RAB11B: variants seen among roughly 807,000 people sequenced by gnomAD.
The protein encoded by RAB11B is ras-related protein Rab-11B.
A neutral mutation model predicts 23.7 loss-of-function variants in RAB11B; 7 were observed. The observed-to-expected ratio is 0.29, with a 90% confidence interval of 0.17 to 0.55. The LOEUF (loss-of-function observed/expected upper bound fraction) is 0.55, where lower values mean the gene tolerates loss of function less well. Among genes scored for constraint, RAB11B ranks in the 20% least tolerant of loss-of-function variants. The pLI, the probability that RAB11B is intolerant of heterozygous loss-of-function variation, is 0.93. For missense variants in RAB11B, 189 were observed against 320.0 expected, an observed-to-expected ratio of 0.59 and a Z score of 3.12; for synonymous variants, 138 against 132.0, an observed-to-expected ratio of 1.05 and a Z score of -0.31.
intron 1 of RAB11B, among the ~76,000 whole-genome samples, chr19:8,395,468 C>G (rs1971389895): frequency 6.6e-6 from 1 of 152,072 alleles, no homozygotes; most frequent in African/African-American, 2.4e-5. Flanking sequence ...AGGTTGGTCT[C>G]AAACTCCTGA....
At chr19:8,390,553 G>C (rs1971339649) in intron 1 of RAB11B, 97 bp downstream of exon 1, 1 of 1,263,532 alleles carries the variant, frequency 7.9e-7, no homozygotes. Context: ...CCAGGCCGGA[G>C]CCCGGGGCTT....
intron 1 of RAB11B, among the ~76,000 whole-genome samples, chr19:8,398,353 G>C (rs1480333426): frequency 6.6e-6 from 1 of 152,216 alleles, no homozygotes; most frequent in African/African-American, 2.4e-5. Context: ...TCTGGGCCAG[G>C]GTTTGCATCT....
chr19:8,402,791 TA>T lies in RAB11B; in HGVS notation c.511+227del, dbSNP rs1178062924. The T allele has an allele frequency of 7.4e-5, 43 of 580,064 alleles. 1 individual carries two copies. In the Middle Eastern group the frequency reaches 1.4e-3, roughly 18 times the overall value. 35.9% of individuals were successfully genotyped at this position (580,064 alleles called of 1,614,324 possible). On this transcript the variant is annotated intron_variant, in intron 4 of 4. Coordinates refer to ENST00000328024, the MANE Select transcript of RAB11B (RefSeq NM_004218.4). ...AATTCTCCTGCCTCAGCCTCCCGAGTAGCTGGGATTACAGGTGCCTGCCACC... is the reference window on the plus strand; with the variant it reads ...AATTCTCCTGCCTCAGCCTCCCGAGTGCTGGGATTACAGGTGCCTGCCACC...
rs769666490 is a variant in RAB11B, at chr19:8,390,397, C to T, written c.-20C>T. On this transcript the variant is annotated 5_prime_UTR_variant, in exon 1 of 5. Coordinates refer to ENST00000328024, the MANE Select transcript of RAB11B (RefSeq NM_004218.4). ...TGGTGGGGCTGCGGAGTCGCCGATC[C>T]CGCCGGAAGCGCCAGGACAATGGGG... is the stretch of plus-strand genomic sequence containing the variant. 7.8e-6 allele frequency: 12 copies of T among 1,529,862 alleles called. No individual in the cohort carries two copies. Among genetic ancestry groups the T allele is most frequent in the Non-Finnish European group, 1.1e-5 (12 of 1,142,604 alleles). 94.8% of individuals were successfully genotyped at this position (1,529,862 alleles called of 1,614,324 possible).
At chr19:8,397,616 G>A (rs958538989) in intron 1 of RAB11B, among the ~76,000 whole-genome samples, 7 of 152,016 alleles carry the variant, frequency 4.6e-5, no homozygotes, top group African/African-American at 1.5e-4. Flanking sequence ...TCCAGTGCCC[G>A]AGGCAGGAAG....
At chr19:8,394,543 A>T (rs1971381992) in intron 1 of RAB11B, among the ~76,000 whole-genome samples, 1 of 152,186 alleles carries the variant, frequency 6.6e-6, no homozygotes, top group African/African-American at 2.4e-5. Flanking sequence ...GGAGAATGAT[A>T]ATATTTACAT....
Position 8,402,140 on chromosome 19 carries a change from G to A in RAB11B, c.291G>A (p.Leu97=). 1.9e-6 allele frequency: 3 copies of A among 1,609,086 alleles called. No homozygotes were observed. The highest frequency in any genetic ancestry group is 1.1e-5 in the South Asian group (1 of 89,972). ...TGGTGTACGACATCGCCAAGCACCT[G>A]ACCTATGAGAACGTGGAGCGCTGGC... The part of the protein sequence containing the change: ...ALLVYDIAKH[L]TYENVERWLK... The change falls in exon 3 of 5, where the codon CTG becomes CTA. Residue 97 remains leucine (L), a synonymous_variant. Coordinates refer to ENST00000328024, the MANE Select transcript of RAB11B (RefSeq NM_004218.4).
rs1358075353 is a variant in RAB11B, at chr19:8,396,242, G to A, written c.41-3621G>A. 6.6e-6 allele frequency among the ~76,000 whole-genome samples: 1 copy of A among 152,216 alleles called. No homozygotes were observed. The highest frequency in any genetic ancestry group is 1.9e-4 in the East Asian group (1 of 5,190). On this transcript the variant is annotated intron_variant, in intron 1 of 4. Transcript: ENST00000328024. This position sits in a 1 kb window ranked among gnomAD's most constrained non-coding sequence, Gnocchi z 5.0. The stretch of plus-strand genomic sequence containing the variant: ...CCTGATCCTGCCCTCCTCACCTGTG[G>A]CCCAAGGGTGGTGACCTGGCATCCT...
chr19:8,400,556 C>G (rs1971429349), intron 2 of RAB11B, among the ~76,000 whole-genome samples: 1 of 151,996 alleles, frequency 6.6e-6, no homozygotes, highest in Non-Finnish European at 1.5e-5. Context: ...TCCTTCATCC[C>G]TCAGGTACAT....
At chr19:8,400,120 G>T in intron 2 of RAB11B, 62 bp downstream of exon 2, 1 of 1,560,714 alleles carries the variant, frequency 6.4e-7, no homozygotes, top group Non-Finnish European at 8.7e-7. Flanking sequence ...GCAGCGCGTG[G>T]GCTTGGAAGG....
chr19:8,390,996 CT>C (rs1304295242), intron 1 of RAB11B, among the ~76,000 whole-genome samples: 1 of 146,770 alleles, frequency 6.8e-6, no homozygotes, highest in Non-Finnish European at 1.5e-5. Context: ...AGATGAGGGC[CT>C]GGGGGTGAGG....
Position 8,403,032 on chromosome 19 carries a change from A to T in RAB11B, c.512-381A>T, listed in dbSNP as rs147519168. On this transcript the variant is annotated intron_variant, in intron 4 of 4. Coordinates refer to ENST00000328024, the MANE Select transcript of RAB11B (RefSeq NM_004218.4). ...ACCTGCCGGTCCACCTGGACACTTC[A>T]CAGGGTCAGACCAGGTCTAGCCCTT... The T allele has an allele frequency of 4.2e-5, 14 of 331,162 alleles. No individual in the cohort carries two copies. In the East Asian group the frequency reaches 8.9e-4, roughly 21 times the overall value. 20.5% of individuals were successfully genotyped at this position (331,162 alleles called of 1,614,324 possible). A position where few individuals can be genotyped will look rare whatever the true frequency, so the allele number is the denominator to read the frequency against.
chr19:8,390,743 G>C, intron 1 of RAB11B: 1 of 344,174 alleles, frequency 2.9e-6, no homozygotes, highest in Non-Finnish European at 5.2e-6. Flanking sequence ...GAGGCTGTTA[G>C]GGCGGGGCCT....
intron 2 of RAB11B, among the ~76,000 whole-genome samples, chr19:8,400,924 C>T (rs984103126): frequency 1.4e-5 from 2 of 144,138 alleles, no homozygotes; most frequent in African/African-American, 5.2e-5. Flanking sequence ...CAGGGTCTTG[C>T]TCTGTCGCCC....
At chr19:8,392,885 C>A (rs1023544915) in intron 1 of RAB11B, among the ~76,000 whole-genome samples, 1 of 151,630 alleles carries the variant, frequency 6.6e-6, no homozygotes, top group Non-Finnish European at 1.5e-5. Context: ...CGGGGTTTCA[C>A]CATGTTGGCC....
chr19:8,401,950 C>T, intron 2 of RAB11B, 136 bp from the exon 3 acceptor site: 1 of 829,626 alleles, frequency 1.2e-6, no homozygotes, highest in Non-Finnish European at 1.8e-6. Context: ...CACACCCTTC[C>T]CTTGAGGCCA....
At chr19:8,390,630 A>T (rs1568226269) in intron 1 of RAB11B, 174 bp downstream of exon 1, 10 of 625,716 alleles carry the variant, frequency 1.6e-5, no homozygotes, top group Non-Finnish European at 1.7e-5. Context: ...TCGGGCTAGG[A>T]TGCGCGGCTA....
Position 8,403,420 on chromosome 19 carries a change from C to A in RAB11B, c.519C>A (p.Tyr173Ter). 6.2e-7 allele frequency: 1 copy of A among 1,613,306 alleles called. No homozygotes were observed. The highest frequency in any genetic ancestry group is 1.1e-5 in the South Asian group (1 of 90,936). ...EAFKNILTEI[Y>*]RIVSQKQIAD... ...CCTGTACCCCCTTTGCAGAGATCTA[C>A]CGCATCGTGTCACAGAAACAGATCG... The change falls in exon 5 of 5, where the codon TAC (tyrosine) becomes TAA (stop). Residue 173 changes from tyrosine (Y) to a stop codon, truncating the protein, a stop_gained. Transcript: ENST00000328024. LOFTEE classifies it high-confidence loss of function.
rs2145503960 is a variant in RAB11B, at chr19:8,390,470, G to A, written c.40+14G>A. On this transcript the variant is annotated intron_variant, in intron 1 of 4. Coordinates refer to ENST00000328024, the MANE Select transcript of RAB11B (RefSeq NM_004218.4). ...ACCTATTCAAAGGTGCGGCCGGTGG[G>A]GCACAGACGGGCGAAGTCGTGGCGG... 1 of 1,493,562 alleles carries A rather than the reference G, an allele frequency of 6.7e-7. No individual in the cohort carries two copies. Among genetic ancestry groups the A allele is most frequent in the Non-Finnish European group, 8.9e-7 (1 of 1,123,648 alleles). The allele number at this position is 1,493,562 out of a possible 1,614,324, so 92.5% of individuals were successfully genotyped here. A position where few individuals can be genotyped will look rare whatever the true frequency, so the allele number is the denominator to read the frequency against.
Sources: allele counts gnomAD v4.1 joint callset (sites outside exome capture counted in the v4.1 genomes callset), GRCh38; gene constraint gnomAD v4.1.1; non-coding constraint Gnocchi (gnomAD v3.1); transcripts MANE v1.5; gene names NCBI Gene and HGNC (gene_info 2026-07-23, HGNC 2026-07-21).